Variants in NEK10 observed in about 807,000 individuals in gnomAD.
The protein encoded by NEK10 is NIMA related kinase 10.
NEK10 carries 122 observed loss-of-function variants against 159.8 expected under a neutral mutation model. The observed-to-expected ratio is 0.76, with a 90% confidence interval of 0.66 to 0.89. The LOEUF (loss-of-function observed/expected upper bound fraction) is 0.89. NEK10 is among the 40% of genes least tolerant of loss of function. NEK10 has a pLI of 0.00. For synonymous variants in NEK10, 466 were observed against 457.1 expected (o/e 1.02, Z -0.25); for missense variants, 1,342 against 1,323.1 (o/e 1.01, Z -0.22).
In NEK10 at chr3:27,192,155, G is replaced by C. The variant is rs755803322; in HGVS notation, c.2379C>G (p.Asn793Lys). The change falls in exon 26 of 36, where the codon AAC (asparagine) becomes AAG (lysine). Residue 793 changes from asparagine (N) to lysine (K), a missense_variant. By Grantham distance (94) the Asn-to-Lys change is moderately conservative (BLOSUM62 0). Transcript: ENST00000691995. Reference protein sequence around the residue: ...ISDVMMKYLDNLSTSQLSLEK... With the variant: ...ISDVMMKYLDKLSTSQLSLEK... ...CCAAGGACAACTGGGATGTAGATAA[G>C]TTGTCTAAATATTTCATCATGACAT... 1.2e-6 allele frequency: 2 copies of C among 1,614,118 alleles called. No individual in the cohort carries two copies. Among genetic ancestry groups the C allele is most frequent in the African/African-American group, 1.3e-5 (1 of 75,040 alleles).
At chr3:27,201,125 A>T (rs1205319365) in intron 25 of NEK10, among the ~76,000 whole-genome samples, 2 of 152,224 alleles carry the variant, frequency 1.3e-5, no homozygotes, top group African/African-American at 4.8e-5. Flanking sequence ...CAACTTTATC[A>T]TCTAACATGG....
intron 23 of NEK10, 52 bp downstream of exon 23, chr3:27,256,244 G>T: frequency 1.2e-6 from 1 of 801,004 alleles, no homozygotes. Flanking sequence ...ATAAATGAAA[G>T]CCTAAATCAG....
intron 23 of NEK10, among the ~76,000 whole-genome samples, chr3:27,242,314 T>C (rs1055000674): frequency 6.6e-6 from 1 of 152,236 alleles, no homozygotes; most frequent in Non-Finnish European, 1.5e-5. Flanking sequence ...CAGATAATAC[T>C]ATCTACTTAT....
In NEK10 at chr3:27,291,406, A is replaced by G; in HGVS notation, c.1477-16T>C. ...GTTCATCCTCCTAATCAAAATATAA[A>G]AAGGAAATGGGTTTCTGTGATAAAT... On this transcript the variant is annotated splice_polypyrimidine_tract_variant and intron_variant, in intron 17 of 35. Transcript: ENST00000691995. 1 of 1,610,142 alleles carries G rather than the reference A, an allele frequency of 6.2e-7. No homozygotes were observed. The highest frequency in any genetic ancestry group is 8.5e-7 in the Non-Finnish European group (1 of 1,178,056).
intron 23 of NEK10, among the ~76,000 whole-genome samples, chr3:27,240,432 A>T (rs1180382122): frequency 1.4e-5 from 2 of 147,180 alleles, no homozygotes; most frequent in African/African-American, 5.0e-5. Context: ...TTCACAAAAA[A>T]GATAATACAA....
At chr3:27,140,912 AG>A (rs973748108) in intron 31 of NEK10, among the ~76,000 whole-genome samples, 3 of 152,226 alleles carry the variant, frequency 2.0e-5, no homozygotes, top group African/African-American at 7.2e-5. Flanking sequence ...TCTAAAAAAA[AG>A]ATTTTATTAA....
At chr3:27,170,696 G>A (rs1946897835) in intron 29 of NEK10, among the ~76,000 whole-genome samples, 1 of 152,148 alleles carries the variant, frequency 6.6e-6, no homozygotes, top group African/African-American at 2.4e-5. Flanking sequence ...CTGCACTCCA[G>A]CCTGGGTGAC....
chr3:27,174,912 T>A, intron 26 of NEK10, 79 bp from the exon 27 acceptor site: 2 of 1,155,788 alleles, frequency 1.7e-6, no homozygotes, highest in Non-Finnish European at 1.2e-6. Flanking sequence ...TTAGAACATA[T>A]ATTAACTGCT....
At chr3:27,185,605 T>C (rs552924272) in intron 26 of NEK10, among the ~76,000 whole-genome samples, 1 of 152,282 alleles carries the variant, frequency 6.6e-6, no homozygotes, top group Non-Finnish European at 1.5e-5. Context: ...GCCTCGTCAG[T>C]CCCCACAATC....
At chr3:27,311,578 T>G (rs982915712) in intron 8 of NEK10, 5 of 162,662 alleles carry the variant, frequency 3.1e-5, no homozygotes, top group African/African-American at 1.2e-4. Flanking sequence ...CGTCTGTGAC[T>G]CATCAAAGCT....
At chr3:27,357,195 C>T (rs542812937) in intron 1 of NEK10, among the ~76,000 whole-genome samples, 4 of 152,186 alleles carry the variant, frequency 2.6e-5, no homozygotes, top group African/African-American at 9.6e-5. Context: ...TGCCTTATTA[C>T]CACAGAAGGC....
chr3:27,184,161 C>A (rs1408014858), intron 26 of NEK10, among the ~76,000 whole-genome samples: 2 of 152,222 alleles, frequency 1.3e-5, no homozygotes, highest in East Asian at 3.9e-4. Flanking sequence ...TTAAGAAATT[C>A]CAAATCTGGA....
chr3:27,322,234 A>C lies in NEK10; in HGVS notation c.390T>G (p.Ile130Met), dbSNP rs959686184. 1 of 1,561,558 alleles carries C rather than the reference A, an allele frequency of 6.4e-7. No homozygotes were observed. Among genetic ancestry groups the C allele is most frequent in the Non-Finnish European group, 8.7e-7 (1 of 1,148,590 alleles). ...GACAGATTAACACTCTCAGAAAATG[A>C]ATAGATGGGGCTCGATTAACCCACT... Reference protein sequence around the residue: ...SREWVNRAPSIHFLRVLICLR... With the variant: ...SREWVNRAPSMHFLRVLICLR... The change falls in exon 6 of 36, where the codon ATT becomes ATG. Residue 130 changes from isoleucine to methionine, a missense_variant. Physicochemically the swap from Ile to Met is conservative, Grantham distance 10 (BLOSUM62 1). Coordinates refer to ENST00000691995, the MANE Select transcript of NEK10 (RefSeq NM_001394966.1).
chr3:27,180,417 G>A (rs1403791683), intron 26 of NEK10, among the ~76,000 whole-genome samples: 1 of 136,518 alleles, frequency 7.3e-6, no homozygotes, highest in Non-Finnish European at 1.6e-5. Flanking sequence ...CAAGGGAAGG[G>A]AAGGGGAGGG....
rs1559422276 is a variant in NEK10 at position 27,282,544 on chromosome 3, A to ATATATATATATATACACATAACTGTGTTT, written c.2014+2057_2014+2058insAAACACAGTTATGTGTATATATATATATA. Among the ~76,000 whole-genome samples, 3 of 92,618 alleles carry ATATATATATATATACACATAACTGTGTTT rather than the reference A, an allele frequency of 3.2e-5. 1 individual carries two copies. The highest frequency in any genetic ancestry group is 1.2e-4 in the African/African-American group (3 of 24,376). The allele number at this position is 92,618 out of a possible 152,430, so 60.8% of individuals were successfully genotyped here. A position where few individuals can be genotyped will look rare whatever the true frequency, so the allele number is the denominator to read the frequency against. On this transcript the variant is annotated intron_variant, in intron 22 of 35. Coordinates refer to ENST00000691995, the MANE Select transcript of NEK10 (RefSeq NM_001394966.1). ...GTATATATACATAAATGTGTTATAT[A>ATATATATATATATACACATAACTGTGTTT]TATATATATATATATACATAACTGT...
intron 7 of NEK10, among the ~76,000 whole-genome samples, chr3:27,312,718 A>G (rs28516054): frequency 0.013 from 1,961 of 152,296 alleles, 28 homozygotes; most frequent in East Asian, 0.064. Flanking sequence ...TCAGGGAAAC[A>G]GGTAATTTCT....
At chr3:27,352,148 A>T (rs2048015611) in intron 3 of NEK10, among the ~76,000 whole-genome samples, 1 of 152,178 alleles carries the variant, frequency 6.6e-6, no homozygotes, top group Non-Finnish European at 1.5e-5. Context: ...CCTAAAGCTC[A>T]GAAAACCAAA....
intron 22 of NEK10, among the ~76,000 whole-genome samples, chr3:27,264,343 GA>G (rs2040693869): frequency 6.6e-6 from 1 of 152,100 alleles, no homozygotes; most frequent in East Asian, 1.9e-4. Flanking sequence ...GACAAGAAAA[GA>G]AAACTACAGA....
At chr3:27,139,603 T>C (rs1943572572) in intron 31 of NEK10, among the ~76,000 whole-genome samples, 1 of 152,142 alleles carries the variant, frequency 6.6e-6, no homozygotes, top group Admixed American at 6.5e-5. Flanking sequence ...CTGAATTCAT[T>C]GATATGGGTG....
Sources: gnomAD v4.1 joint callset for allele counts (sites outside exome capture counted in the v4.1 genomes callset) on GRCh38, gnomAD v4.1.1 for gene constraint, MANE v1.5 for transcripts, NCBI Gene and HGNC (gene_info 2026-07-23, HGNC 2026-07-21) for gene names.